Variants in SLC17A5 observed in about 807,000 individuals in gnomAD.
SLC17A5 encodes sialin.
A neutral mutation model predicts 59.4 loss-of-function variants in SLC17A5; 47 were observed. The observed-to-expected ratio is 0.79, with a 90% confidence interval of 0.63 to 1.01. The LOEUF is 1.01. SLC17A5 is among the 50% of genes least tolerant of loss of function. The pLI is 0.00. For synonymous variants in SLC17A5, 202 were observed against 210.7 expected, an observed-to-expected ratio of 0.96 and a Z score of 0.36; for missense variants, 522 against 595.5, an observed-to-expected ratio of 0.88 and a Z score of 1.28.
rs549446860 is a variant in SLC17A5, at chr6:73,600,226, T to C, written c.1350+125A>G. 46 of 798,130 alleles carry C rather than the reference T, an allele frequency of 5.8e-5. No individual in the cohort carries two copies. In the Middle Eastern group the frequency reaches 7.7e-4, roughly 13 times the overall value. The allele number at this position is 798,130 out of a possible 1,614,324, so 49.4% of individuals were successfully genotyped here. A position where few individuals can be genotyped will look rare whatever the true frequency, so the allele number is the denominator to read the frequency against. On this transcript the variant is annotated intron_variant, in intron 10 of 10. Transcript: ENST00000355773. ...TTCCCATCCATTAAGGCATTTAGCTTTTTGTTGCTAAAAAGAATTTCATAA... is the reference window on the plus strand; with the variant it reads ...TTCCCATCCATTAAGGCATTTAGCTCTTTGTTGCTAAAAAGAATTTCATAA...
At chr6:73,641,437 T>C (rs1189976222) in intron 3 of SLC17A5, among the ~76,000 whole-genome samples, 1 of 152,178 alleles carries the variant, frequency 6.6e-6, no homozygotes, top group East Asian at 1.9e-4. Context: ...AGCTATGAAG[T>C]CTCTTTTGGA....
chr6:73,614,068 C>T (rs1352657255), intron 8 of SLC17A5, among the ~76,000 whole-genome samples: 2 of 152,154 alleles, frequency 1.3e-5, no homozygotes, highest in African/African-American at 4.8e-5. Flanking sequence ...GAGTTAAAGA[C>T]CAGCCTGGAC....
intron 9 of SLC17A5, among the ~76,000 whole-genome samples, chr6:73,602,027 T>C (rs1767144055): frequency 6.6e-6 from 1 of 151,950 alleles, no homozygotes; most frequent in Non-Finnish European, 1.5e-5. Flanking sequence ...GATTGAGAAA[T>C]CGGATGGTTG....
Position 73,621,930 on chromosome 6 carries a change from G to A in SLC17A5, c.852C>T (p.Pro284=). Residue 284 remains proline, a synonymous_variant, in exon 7 of 11, where the codon CCC becomes CCT. Transcript: ENST00000355773. ...LSSQKSVPWV[P]ILKSLPLWAI... is the part of the protein sequence containing the mutation. ...CCCAAAGTGGCAGGGATTTTAAAAT[G>A]GGTACCCACGGCACTGACTTCTGTG... is the stretch of plus-strand genomic sequence containing the variant. 6.2e-7 allele frequency: 1 copy of A among 1,613,996 alleles called. No individual in the cohort carries two copies. The highest frequency in any genetic ancestry group is 8.5e-7 in the Non-Finnish European group (1 of 1,179,944).
chr6:73,603,918 AAAAC>A (rs1370592851), intron 9 of SLC17A5, among the ~76,000 whole-genome samples: 1 of 137,256 alleles, frequency 7.3e-6, no homozygotes, highest in Non-Finnish European at 1.6e-5. Context: ...AACAAAAACA[AAAAC>A]AAAAAACAAA....
At chr6:73,645,601 A>G (rs1173171367) in intron 1 of SLC17A5, 1 of 461,452 alleles carries the variant, frequency 2.2e-6, no homozygotes, top group African/African-American at 2.1e-5. Flanking sequence ...ATCCTGGCTA[A>G]CTCGGTGAAA....
chr6:73,647,876 C>G (rs561685226), intron 1 of SLC17A5, among the ~76,000 whole-genome samples: 1 of 152,282 alleles, frequency 6.6e-6, no homozygotes, highest in Admixed American at 6.5e-5. Flanking sequence ...GTAGACCAGC[C>G]TGGCCAACAA....
intron 6 of SLC17A5, among the ~76,000 whole-genome samples, chr6:73,631,386 C>T (rs932759183): frequency 6.6e-6 from 1 of 151,848 alleles, no homozygotes; most frequent in Non-Finnish European, 1.5e-5. Flanking sequence ...TGAGTGACTG[C>T]TGTGCCCTTA....
intron 7 of SLC17A5, among the ~76,000 whole-genome samples, chr6:73,615,920 C>T (rs1022540289): frequency 7.0e-5 from 8 of 114,984 alleles, no homozygotes; most frequent in African/African-American, 2.6e-4. Context: ...GAGTCTTACT[C>T]TGTCACTCAG....
chr6:73,653,592 G>A lies in SLC17A5; in HGVS notation c.94+201C>T, dbSNP rs947705952. The A allele has an allele frequency of 4.4e-6, 3 of 674,238 alleles. No homozygotes were observed. The African/African-American group carries it at 6.0e-5, about 13-fold the overall frequency. The allele number at this position is 674,238 out of a possible 1,614,324, so 41.8% of individuals were successfully genotyped here. ...CCGCGATCACGGTCGCGGCCCCCGG[G>A]GTTCCCGAGGGGCTTCTGCGCACCG... is the stretch of plus-strand genomic sequence containing the variant. On this transcript the variant is annotated intron_variant, in intron 1 of 10. Transcript: ENST00000355773.
chr6:73,636,588 T>TAAGTTTA, intron 5 of SLC17A5, 33 bp downstream of exon 5: 1 of 1,183,496 alleles, frequency 8.4e-7, no homozygotes, highest in African/African-American at 1.5e-5. Flanking sequence ...TTGAATTTGT[T>TAAGTTTA]ACATTATAAT....
intron 9 of SLC17A5, 71 bp from the exon 10 acceptor site, chr6:73,600,512 T>C (rs1767008755): frequency 4.5e-6 from 4 of 892,464 alleles, no homozygotes; most frequent in Admixed American, 2.9e-5. Context: ...TTCCTTCTTT[T>C]TTTTTTTTTT....
At chr6:73,634,438 C>T (rs1188229594) in intron 6 of SLC17A5, among the ~76,000 whole-genome samples, 1 of 152,206 alleles carries the variant, frequency 6.6e-6, no homozygotes, top group East Asian at 1.9e-4. Context: ...CTTGCTCTGT[C>T]ACCCAGGCTG....
At chr6:73,610,691 G>GAA (rs10707321) in intron 8 of SLC17A5, 144 bp from the exon 9 acceptor site, 254 of 702,510 alleles carry the variant, frequency 3.6e-4, no homozygotes, top group Admixed American at 1.1e-3. Context: ...AATTTCATGA[G>GAA]AAAAAAAAAA....
At position 73,593,957 on chromosome 6, in the gene SLC17A5, G is replaced by C. The variant is rs753266394; in HGVS notation, c.*1120C>G. ...GAAATTTATACTGTGATCCATGTGA[G>C]AGTAGATTTAAACCAGGATGATCTT... On this transcript the variant is annotated 3_prime_UTR_variant, in exon 11 of 11. Coordinates refer to ENST00000355773, the MANE Select transcript of SLC17A5 (RefSeq NM_012434.5). 2.0e-5 allele frequency: 3 copies of C among 151,348 alleles called. No individual in the cohort carries two copies. The highest frequency in any genetic ancestry group is 2.9e-5 in the Non-Finnish European group (2 of 67,938). The allele number at this position is 151,348 out of a possible 1,614,324, so 9.4% of individuals were successfully genotyped here.
In SLC17A5 at chr6:73,610,507, G is replaced by A; in HGVS notation, c.1152C>T (p.Phe384=). The A allele has an allele frequency of 1.2e-6, 2 of 1,614,162 alleles. No homozygotes were observed. Among genetic ancestry groups the A allele is most frequent in the Non-Finnish European group, 1.7e-6 (2 of 1,180,022 alleles). The change falls in exon 9 of 11, where the codon TTC becomes TTT. Residue 384 remains phenylalanine (F), a synonymous_variant. Coordinates refer to ENST00000355773, the MANE Select transcript of SLC17A5 (RefSeq NM_012434.5). ...GPAVFLVAAG[F]IGCDYSLAVA... ...CGGCCAAAGAATAATCACAGCCAAT[G>A]AAGCCAGCAGCTACCAGGAATACTG... is the stretch of plus-strand genomic sequence containing the variant.
intron 8 of SLC17A5, 94 bp from the exon 9 acceptor site, chr6:73,610,641 C>T: frequency 2.9e-6 from 4 of 1,366,460 alleles, no homozygotes; most frequent in Non-Finnish European, 4.1e-6. Flanking sequence ...AAATTGCTGC[C>T]ACCTACTGTA....
At chr6:73,602,179 CA>C (rs1767161117) in intron 9 of SLC17A5, among the ~76,000 whole-genome samples, 1 of 150,854 alleles carries the variant, frequency 6.6e-6, no homozygotes, top group African/African-American at 2.4e-5. Context: ...TGTGTCCACT[CA>C]GGGTTAAATG....
At chr6:73,637,616 C>A (rs1769078934) in intron 4 of SLC17A5, among the ~76,000 whole-genome samples, 2 of 152,122 alleles carry the variant, frequency 1.3e-5, no homozygotes, top group Admixed American at 1.3e-4. Context: ...TGAGTTCTAG[C>A]CATCCAAGGT....
Sources: gnomAD v4.1 joint callset for allele counts (sites outside exome capture counted in the v4.1 genomes callset) on GRCh38, gnomAD v4.1.1 for gene constraint, MANE v1.5 for transcripts, NCBI Gene and HGNC (gene_info 2026-07-23, HGNC 2026-07-21) for gene names.